XG: variants seen among roughly 807,000 people sequenced by gnomAD.
The protein encoded by XG is Xg glycoprotein (Xg blood group), also known as glycoprotein Xg.
XG carries 24 observed loss-of-function variants against 25.7 expected under a neutral mutation model. The ratio of observed to expected loss-of-function variants is 0.93; its 90% CI spans 0.68 to 1.31. XG has a LOEUF of 1.31. XG is among the 40% of genes most tolerant of loss of function. The pLI, the probability that XG is intolerant of heterozygous loss-of-function variation, is 0.00. For synonymous variants in XG, 77 were observed against 69.2 expected (o/e 1.11, Z -0.56); for missense variants, 181 against 187.6 (o/e 0.96, Z 0.21).
chrX:2,770,086 G>C, intron 1 of XG, among the ~76,000 whole-genome samples: 1 of 152,130 alleles, frequency 6.6e-6, no homozygotes, highest in East Asian at 1.9e-4. Flanking sequence ...CAGTCCAGGA[G>C]AGAAGTCTAT....
intron 3 of XG, among the ~76,000 whole-genome samples, chrX:2,781,090 C>G (rs1325011551): frequency 6.6e-6 from 1 of 151,944 alleles, no homozygotes; most frequent in African/African-American, 2.4e-5. Flanking sequence ...CTAACACAGG[C>G]CCCCACAACA....
At position 2,773,838 on chromosome X, in the gene XG, A is replaced by C. The variant is rs748905705; in HGVS notation, c.104-878A>C. 4.1e-4 allele frequency among the ~76,000 whole-genome samples: 56 copies of C among 138,118 alleles called. 1 individual carries two copies. Among genetic ancestry groups the C allele is most frequent in the African/African-American group, 9.7e-4 (36 of 37,056 alleles). 90.6% of individuals were successfully genotyped at this position (138,118 alleles called of 152,430 possible). A position where few individuals can be genotyped will look rare whatever the true frequency, so the allele number is the denominator to read the frequency against. ...AGGAAGGAGAGAAGGAAGGAAGGAG[A>C]GAAGGAAGGAAGGAAGAAGGGAGGG... is the stretch of plus-strand genomic sequence containing the variant. On this transcript the variant is annotated intron_variant, in intron 2 of 10. Transcript: ENST00000644266.
chrX:2,794,592 G>T lies in XG; in HGVS notation c.311G>T (p.Arg104Leu). The T allele has an allele frequency of 8.3e-7, 1 of 1,211,318 alleles. No homozygotes were observed. The highest frequency in any genetic ancestry group is 1.1e-6 in the Non-Finnish European group (1 of 895,289). The change falls in exon 6 of 11, where the codon CGG (arginine) becomes CTG (leucine). Residue 104 changes from arginine (R) to leucine (L), a missense_variant. By Grantham distance (102) the Arg-to-Leu change is moderately radical. Transcript: ENST00000644266. ...CGCTACCCGCCCAGGCCCAGGCCAC[G>T]GCCGCCTGCAGGTAGGTGCCGAGCC... ...DGRYPPRPRP[R>L]PPAGGGGGGY... is the part of the protein sequence containing the mutation.
chrX:2,809,912 C>T (rs1603458015), intron 9 of XG, among the ~76,000 whole-genome samples: 1 of 112,279 alleles, frequency 8.9e-6, no homozygotes, highest in Non-Finnish European at 1.9e-5. Context: ...TTAGAGCCAC[C>T]ATGCCTTCAC....
At chrX:2,777,843 G>C (rs1203950666) in intron 3 of XG, among the ~76,000 whole-genome samples, 1 of 151,200 alleles carries the variant, frequency 6.6e-6, no homozygotes, top group Non-Finnish European at 1.5e-5. Flanking sequence ...GGTGGATCAC[G>C]AGGTCAGGAG....
chrX:2,795,891 C>T (rs770245064), intron 6 of XG, among the ~76,000 whole-genome samples: 53 of 110,423 alleles, frequency 4.8e-4, no homozygotes, highest in African/African-American at 1.7e-3. Context: ...CTCCTGACCT[C>T]GTGATCCACC....
chrX:2,767,221 G>C (rs1199390064), intron 1 of XG, among the ~76,000 whole-genome samples: 4 of 152,068 alleles, frequency 2.6e-5, no homozygotes, highest in Admixed American at 2.6e-4. Flanking sequence ...GGTCCCAGAG[G>C]GGTTTGGTGA....
intron 10 of XG, among the ~76,000 whole-genome samples, chrX:2,812,593 G>A (rs1392598198): frequency 1.8e-5 from 2 of 111,484 alleles, no homozygotes; most frequent in Non-Finnish European, 1.9e-5. Flanking sequence ...CTTCCCATGC[G>A]CTCCCTCTGC....
intron 1 of XG, among the ~76,000 whole-genome samples, chrX:2,763,439 C>T (rs1281273772): frequency 1.4e-5 from 2 of 143,032 alleles, no homozygotes; most frequent in Admixed American, 7.0e-5. Context: ...ATTCTCATTA[C>T]AAATGTTTGT....
Position 2,756,190 on chromosome X carries a change from T to C in XG, c.61+3855T>C, listed in dbSNP as rs747561887. 3.9e-3 allele frequency among the ~76,000 whole-genome samples: 601 copies of C among 152,316 alleles called. 2 individuals are homozygous for C. Among genetic ancestry groups the C allele is most frequent in the African/African-American group, 0.014 (561 of 41,552 alleles). ...TTTTAGCAGCCCTACATTTCCACTG[T>C]ATTTAATTAGTATTTGCCGTCCAAT... On this transcript the variant is annotated intron_variant, in intron 1 of 10. Coordinates refer to ENST00000644266, the MANE Select transcript of XG (RefSeq NM_001141919.2).
chrX:2,781,941 C>A, intron 3 of XG, 125 bp from the exon 4 acceptor site: 1 of 651,406 alleles, frequency 1.5e-6, no homozygotes, highest in Non-Finnish European at 2.5e-6. Flanking sequence ...TATAAACACA[C>A]CGTGGGCAGC....
At chrX:2,790,298 T>C (rs1369831741) in intron 5 of XG, among the ~76,000 whole-genome samples, 3 of 109,057 alleles carry the variant, frequency 2.8e-5, no homozygotes, top group African/African-American at 6.7e-5. Context: ...GTCAGGAGTT[T>C]GACACCAGCC....
At chrX:2,777,578 G>C (rs1343280679) in intron 3 of XG, among the ~76,000 whole-genome samples, 1 of 151,926 alleles carries the variant, frequency 6.6e-6, no homozygotes, top group Non-Finnish European at 1.5e-5. Context: ...GGGTGGCAGA[G>C]CCAGGCTTTG....
chrX:2,814,046 C>G (rs1407635474), intron 10 of XG, among the ~76,000 whole-genome samples: 1 of 111,589 alleles, frequency 9.0e-6, no homozygotes, highest in Non-Finnish European at 1.9e-5. Flanking sequence ...TTTATTTGTT[C>G]TAATCTATCT....
At chrX:2,762,574 G>A (rs1470374653) in intron 1 of XG, among the ~76,000 whole-genome samples, 1 of 152,026 alleles carries the variant, frequency 6.6e-6, no homozygotes, top group African/African-American at 2.4e-5. Flanking sequence ...TTCCTGTCCT[G>A]CTGGAAATAT....
chrX:2,764,499 AATTGC>A, intron 1 of XG, among the ~76,000 whole-genome samples: 1 of 151,924 alleles, frequency 6.6e-6, no homozygotes, highest in African/African-American at 2.4e-5. Context: ...GGTATTTTTT[AATTGC>A]TGAACTGGAG....
At chrX:2,813,612 A>G (rs2087077820) in intron 10 of XG, among the ~76,000 whole-genome samples, 1 of 112,626 alleles carries the variant, frequency 8.9e-6, no homozygotes, top group Non-Finnish European at 1.9e-5. Context: ...GAGGCCATAC[A>G]CTGAAGCTTG....
intron 1 of XG, among the ~76,000 whole-genome samples, chrX:2,760,097 G>A (rs184616026): frequency 1.3e-5 from 2 of 152,176 alleles, no homozygotes; most frequent in Non-Finnish European, 2.9e-5. Flanking sequence ...GTTGCAGTGA[G>A]CTGAGATTGT....
chrX:2,752,205 T>A lies in XG; in HGVS notation c.-70T>A. 1 of 1,606,952 alleles carries A rather than the reference T, an allele frequency of 6.2e-7. No individual in the cohort carries two copies. Among genetic ancestry groups the A allele is most frequent in the Non-Finnish European group, 8.5e-7 (1 of 1,175,358 alleles). Reference sequence around the variant, plus strand: ...AGACCAGAAGTCAACAACAGGAGGGTGGAGAGGCCGGGTCTCACAATCCGC... The same window carrying A: ...AGACCAGAAGTCAACAACAGGAGGGAGGAGAGGCCGGGTCTCACAATCCGC... On this transcript the variant is annotated 5_prime_UTR_variant, in exon 1 of 11. Transcript: ENST00000644266.
Sources: allele counts gnomAD v4.1 joint callset (sites outside exome capture counted in the v4.1 genomes callset), GRCh38; gene constraint gnomAD v4.1.1; transcripts MANE v1.5; gene names NCBI Gene and HGNC (gene_info 2026-07-23, HGNC 2026-07-21).